DNAH17: variants seen among roughly 807,000 people sequenced by gnomAD.
DNAH17 encodes dynein axonemal heavy chain 17.
A neutral mutation model predicts 485.6 loss-of-function variants in DNAH17; 376 were observed. The ratio of observed to expected loss-of-function variants is 0.77; its 90% CI spans 0.71 to 0.84. The LOEUF is 0.84. Ranked by LOEUF, DNAH17 falls within the 40% of genes least tolerant of loss-of-function variation. DNAH17 has a pLI of 0.00. For missense variants in DNAH17, 6,370 were observed against 5,839.3 expected (o/e 1.09, Z -2.96); for synonymous variants, 3,031 against 2,405.9 (o/e 1.26, Z -7.60).
At chr17:78,464,545 G>A (rs1205897203) in intron 56 of DNAH17, among the ~76,000 whole-genome samples, 1 of 152,212 alleles carries the variant, frequency 6.6e-6, no homozygotes. Flanking sequence ...ATAGGCGTGA[G>A]CCACTGCCCC....
In DNAH17 at chr17:78,505,454, A is replaced by C. The variant is rs2146736236; in HGVS notation, c.4804-9T>G. ...GACAGGTGGCGGCTCACCTGGGAGG[A>C]GGCAAGAAGCGGGAATTATGCAACG... On this transcript the variant is annotated splice_polypyrimidine_tract_variant and intron_variant, in intron 30 of 80. Coordinates refer to ENST00000389840, the MANE Select transcript of DNAH17 (RefSeq NM_173628.4). 1 of 1,613,880 alleles carries C rather than the reference A, an allele frequency of 6.2e-7. No homozygotes were observed. The highest frequency in any genetic ancestry group is 1.1e-5 in the South Asian group (1 of 91,074).
chr17:78,556,804 C>T (rs1033672817), intron 14 of DNAH17, among the ~76,000 whole-genome samples: 2 of 152,212 alleles, frequency 1.3e-5, no homozygotes, highest in African/African-American at 4.8e-5. Flanking sequence ...CCATGCGACA[C>T]ATTGCCACTC....
chr17:78,480,637 C>T (rs954530939), intron 49 of DNAH17, 47 bp downstream of exon 49: 19 of 1,528,308 alleles, frequency 1.2e-5, no homozygotes, highest in Non-Finnish European at 1.4e-5. Context: ...CAGAAGCAAG[C>T]CTCAGACTCA....
In DNAH17 at chr17:78,429,297, G is replaced by T; in HGVS notation, c.12229C>A (p.Pro4077Thr). ...AAAAGGTAGCGGAGATCGTCCCAGG[G>T]CACCTGAGGAAGGATGACAGCGGGT... ...YNYLEANPKVPWDDLRYLFGE... is the reference protein window; with the variant it reads ...YNYLEANPKVTWDDLRYLFGE... Residue 4077 changes from proline (P) to threonine (T), a missense_variant, in exon 76 of 81, where the codon CCC becomes ACC. Transcript: ENST00000389840. The T allele has an allele frequency of 1.2e-6, 2 of 1,613,214 alleles. No homozygotes were observed. Among genetic ancestry groups the T allele is most frequent in the Non-Finnish European group, 1.7e-6 (2 of 1,179,494 alleles).
chr17:78,526,673 T>C lies in DNAH17; in HGVS notation c.3689A>G (p.Asn1230Ser). The C allele has an allele frequency of 6.2e-7, 1 of 1,610,154 alleles. No individual in the cohort carries two copies. The change falls in exon 24 of 81, where the codon AAC becomes AGC. Residue 1230 changes from asparagine to serine, a missense_variant. Transcript: ENST00000389840. The stretch of plus-strand genomic sequence containing the variant: ...TACCTTATTCAGGGACTTGTAGGGG[T>C]TGGGGTCGCTGAAGGAGAACGGGGC... The part of the protein sequence containing the change: ...REAPFSFSDP[N>S]PYKSLNKQQK...
At chr17:78,494,556 G>A in intron 40 of DNAH17, 37 bp downstream of exon 40, 1 of 1,597,730 alleles carries the variant, frequency 6.3e-7, no homozygotes, top group Non-Finnish European at 8.6e-7. Flanking sequence ...AGCCAGGCAG[G>A]CTTCTCCGGA....
At chr17:78,518,262 CAAA>C (rs972765583) in intron 25 of DNAH17, among the ~76,000 whole-genome samples, 79 of 152,142 alleles carry the variant, frequency 5.2e-4, no homozygotes, top group African/African-American at 1.7e-3. Context: ...AGTTCAAACA[CAAA>C]AATATAGGTA....
In DNAH17 at chr17:78,476,595, C is replaced by T; in HGVS notation, c.8131G>A (p.Ala2711Thr). ...DQETLHRVTMASTKKFFDDLG... is the reference protein window; with the variant it reads ...DQETLHRVTMTSTKKFFDDLG... ...ACATCAAAGAACTTCTTGGTGGAGG[C>T]CATGGTGACTCTATGCAATGTTTCC... The change falls in exon 52 of 81, where the codon GCC (alanine) becomes ACC (threonine). Residue 2711 changes from alanine to threonine, a missense_variant. Transcript: ENST00000389840. 6.2e-7 allele frequency: 1 copy of T among 1,610,828 alleles called. No homozygotes were observed. The highest frequency in any genetic ancestry group is 8.5e-7 in the Non-Finnish European group (1 of 1,178,512).
At chr17:78,460,357 T>TGTGTGTGCAC in intron 58 of DNAH17, 100 bp from the exon 59 acceptor site, 3 of 1,001,228 alleles carry the variant, frequency 3.0e-6, no homozygotes, top group East Asian at 5.3e-5. Context: ...TGTGTGTGCA[T>TGTGTGTGCAC]GTATGCACGT....
chr17:78,494,775 C>T lies in DNAH17; in HGVS notation c.6088G>A (p.Val2030Met). The change falls in exon 40 of 81, where the codon GTG (valine) becomes ATG (methionine). Residue 2030 changes from valine to methionine, a missense_variant. By Grantham distance (21) the Val-to-Met change is conservative. Coordinates refer to ENST00000389840, the MANE Select transcript of DNAH17 (RefSeq NM_173628.4). ...GLRAIKSVLV[V>M]AGSLKRGDPS... ...TCGCCCCTCTTCAGGGAGCCGGCCA[C>T]CACCAGCACAGACTTGATGGCTCTC... is the stretch of plus-strand genomic sequence containing the variant. The T allele has an allele frequency of 6.2e-7, 1 of 1,613,358 alleles. No individual in the cohort carries two copies. Among genetic ancestry groups the T allele is most frequent in the South Asian group, 1.1e-5 (1 of 91,046 alleles).
intron 35 of DNAH17, chr17:78,500,709 A>G (rs998312822): frequency 1.4e-5 from 4 of 296,108 alleles, no homozygotes; most frequent in Non-Finnish European, 1.9e-5. Context: ...AGGTTTTGCT[A>G]TGTTGGCCAG....
Position 78,465,727 on chromosome 17 carries a change from C to T in DNAH17, c.8940+928G>A, listed in dbSNP as rs1308649970. Among the ~76,000 whole-genome samples, 13 of 148,180 alleles carry T rather than the reference C, an allele frequency of 8.8e-5. No homozygotes were observed. The South Asian group carries it at 1.1e-3, about 12-fold the overall frequency. On this transcript the variant is annotated intron_variant, in intron 56 of 80. Transcript: ENST00000389840. The stretch of plus-strand genomic sequence containing the variant: ...CCGTCTGAGAAGTGAGGAGCCTCTC[C>T]GCCCGGCAGCCACCCCGTCCGGGAG...
At chr17:78,443,746 C>T (rs1476786895) in intron 71 of DNAH17, among the ~76,000 whole-genome samples, 1 of 152,148 alleles carries the variant, frequency 6.6e-6, no homozygotes, top group Non-Finnish European at 1.5e-5. Context: ...GATGGGGTCT[C>T]ACTATGTTTC....
Position 78,479,501 on chromosome 17 carries a change from C to T in DNAH17, c.7884G>A (p.Leu2628=). The T allele has an allele frequency of 3.1e-6, 5 of 1,612,128 alleles. No individual in the cohort carries two copies. Among genetic ancestry groups the T allele is most frequent in the Non-Finnish European group, 3.4e-6 (4 of 1,179,434 alleles). Residue 2628 remains leucine (L), a synonymous_variant, in exon 50 of 81, where the codon CTG becomes CTA. Transcript: ENST00000389840. ...SMAIQRISSQ[L]VAAALALHQK... ...CCAGCTTACCCAGGGCCGCGGCCAC[C>T]AGCTGGCTGCTTATCCTCTGGATAG...
At chr17:78,439,265 C>A in intron 72 of DNAH17, 48 bp from the exon 73 acceptor site, 2 of 1,557,816 alleles carry the variant, frequency 1.3e-6, no homozygotes, top group Non-Finnish European at 8.7e-7. Context: ...TTAAATGACA[C>A]AGGTTCAGGC....
In DNAH17 at chr17:78,553,283, G is replaced by GGTTTTTTTTTTTTTTTTTTTT. The variant is rs2091944708; in HGVS notation, c.2179-479_2179-478insAAAAAAAAAAAAAAAAAAAAC. On this transcript the variant is annotated intron_variant, in intron 14 of 80. Coordinates refer to ENST00000389840, the MANE Select transcript of DNAH17 (RefSeq NM_173628.4). ...AAATTACCCAGTCCCAGGTTTTTGT[G>GGTTTTTTTTTTTTTTTTTTTT]TTTTTTTTTTTTTTTTTTTTTTTTT... 7.8e-5 allele frequency among the ~76,000 whole-genome samples: 4 copies of GGTTTTTTTTTTTTTTTTTTTT among 51,018 alleles called. 1 individual carries two copies. The highest frequency in any genetic ancestry group is 1.8e-4 in the African/African-American group (2 of 11,072). 33.5% of individuals were successfully genotyped at this position (51,018 alleles called of 152,430 possible).
At position 78,494,635 on chromosome 17, in the gene DNAH17, C is replaced by T. The variant is rs771677016; in HGVS notation, c.6228G>A (p.Pro2076=). 323 of 1,613,768 alleles carry T rather than the reference C, an allele frequency of 2.0e-4. No homozygotes were observed. Among genetic ancestry groups the T allele is most frequent in the African/African-American group, 6.7e-5 (5 of 74,940 alleles). Residue 2076 remains proline (P), a synonymous_variant, in exon 40 of 81, where the codon CCG becomes CCA. Transcript: ENST00000389840. ...CCCGTTTCCGAGGCACGTCCAGAGC[C>T]GGGAAGAGGTCCCCGATCAGTCCCA... ...VFMGLIGDLF[P]ALDVPRKRDL...
intron 62 of DNAH17, among the ~76,000 whole-genome samples, chr17:78,457,241 C>G (rs540817653): frequency 1.3e-5 from 2 of 152,086 alleles, no homozygotes; most frequent in African/African-American, 4.8e-5. Flanking sequence ...TGTGGTGGCA[C>G]GCATCTGTGG....
chr17:78,515,692 C>A (rs755569193), intron 25 of DNAH17, among the ~76,000 whole-genome samples: 4 of 152,190 alleles, frequency 2.6e-5, no homozygotes, highest in Admixed American at 6.5e-5. Flanking sequence ...ATTCCCCTTG[C>A]CTGCCTTGGC....
Sources: allele counts gnomAD v4.1 joint callset (sites outside exome capture counted in the v4.1 genomes callset), GRCh38; gene constraint gnomAD v4.1.1; transcripts MANE v1.5; gene names NCBI Gene and HGNC (gene_info 2026-07-23, HGNC 2026-07-21).